Variants in XKR6 observed in about 807,000 individuals in gnomAD.
XKR6 encodes the protein XK-related protein 6.
A neutral mutation model predicts 56.7 loss-of-function variants in XKR6; 22 were observed. That is an observed-to-expected ratio of 0.39 (90% CI 0.28 to 0.55). XKR6 has a LOEUF of 0.55. Among genes scored for constraint, XKR6 ranks in the 20% least tolerant of loss-of-function variants. The pLI is 0.66. For missense variants in XKR6, 852 were observed against 889.0 expected, an observed-to-expected ratio of 0.96 and a Z score of 0.53; for synonymous variants, 524 against 387.8, an observed-to-expected ratio of 1.35 and a Z score of -4.13.
chr8:11,039,774 T>A (rs1419872427), intron 1 of XKR6, among the ~76,000 whole-genome samples: 1 of 152,164 alleles, frequency 6.6e-6, no homozygotes, highest in Non-Finnish European at 1.5e-5. Flanking sequence ...AATGAATAAG[T>A]GCACGTCCCG....
At chr8:11,044,243 G>A (rs1799353941) in intron 1 of XKR6, among the ~76,000 whole-genome samples, 1 of 152,186 alleles carries the variant, frequency 6.6e-6, no homozygotes, top group Non-Finnish European at 1.5e-5. Flanking sequence ...GCATTTAAAT[G>A]TTAAGTCTCC....
intron 1 of XKR6, among the ~76,000 whole-genome samples, chr8:11,005,842 C>CTT (rs56880407): frequency 0.085 from 10,299 of 121,238 alleles, 626 homozygotes; most frequent in African/African-American, 0.14. Context: ...TTCTTTCTTT[C>CTT]TTTTTTTTTT....
chr8:11,098,023 A>AG (rs1362329216), intron 1 of XKR6, among the ~76,000 whole-genome samples: 1 of 151,912 alleles, frequency 6.6e-6, no homozygotes, highest in Non-Finnish European at 1.5e-5. Flanking sequence ...GCAATTTTGC[A>AG]GGGGGGCTCC....
chr8:11,117,662 G>T (rs545972393), intron 1 of XKR6, among the ~76,000 whole-genome samples: 3 of 152,090 alleles, frequency 2.0e-5, no homozygotes, highest in Non-Finnish European at 2.9e-5. Flanking sequence ...TAAGGCACAT[G>T]AAGAACTTTA....
chr8:11,137,522 G>C, intron 1 of XKR6: 1 of 455,740 alleles, frequency 2.2e-6, no homozygotes, highest in South Asian at 1.6e-5. Flanking sequence ...AGACGGCCAG[G>C]CAACTGCTGC....
At chr8:10,957,461 G>A (rs1050986860) in intron 1 of XKR6, among the ~76,000 whole-genome samples, 1 of 152,126 alleles carries the variant, frequency 6.6e-6, no homozygotes. Flanking sequence ...TGTGGCCCAT[G>A]GTGTGCCCCT....
At chr8:11,175,882 C>T (rs1013908998) in intron 1 of XKR6, among the ~76,000 whole-genome samples, 1 of 152,122 alleles carries the variant, frequency 6.6e-6, no homozygotes, top group African/African-American at 2.4e-5. Context: ...TTTTTTATTA[C>T]AAACAGCATA....
chr8:11,156,136 A>C (rs1387012093), intron 1 of XKR6, among the ~76,000 whole-genome samples: 1 of 152,200 alleles, frequency 6.6e-6, no homozygotes. Flanking sequence ...CTGCCTCTCT[A>C]ATTTTACATC....
chr8:11,153,048 G>C (rs538563439), intron 1 of XKR6, among the ~76,000 whole-genome samples: 1 of 152,246 alleles, frequency 6.6e-6, no homozygotes, highest in South Asian at 2.1e-4. Flanking sequence ...ATTAATTTTT[G>C]AATTACAATT....
At position 11,200,785 on chromosome 8, in the gene XKR6, C is replaced by A. The variant is rs1472691580; in HGVS notation, c.555G>T (p.Val185=). 3.1e-6 allele frequency: 5 copies of A among 1,608,650 alleles called. No homozygotes were observed. The East Asian group carries it at 9.0e-5, about 29-fold the overall frequency. ...LVQSLSFRWF[V]QDYTGGGLGA... is the part of the protein sequence containing the mutation. ...CCAGCCCGCCGCCCGTGTAGTCCTG[C>A]ACGAACCAGCGGAAGCTCAGGCTCT... Residue 185 remains valine, a synonymous_variant, in exon 1 of 3, where the codon GTG becomes GTT. Transcript: ENST00000416569. The surrounding 1 kb of genome is among the most constrained non-coding windows in gnomAD (Gnocchi z 6.4).
At chr8:11,059,011 G>A (rs557343547) in intron 1 of XKR6, among the ~76,000 whole-genome samples, 15 of 152,374 alleles carry the variant, frequency 9.8e-5, no homozygotes, top group Admixed American at 2.6e-4. Context: ...CTGAAGCTCA[G>A]AAAGTTGAAA....
Position 11,201,226 on chromosome 8 carries a change from G to C in XKR6, c.114C>G (p.Gly38=), listed in dbSNP as rs763348018. 1.3e-6 allele frequency: 2 copies of C among 1,544,676 alleles called. No homozygotes were observed. The highest frequency in any genetic ancestry group is 3.8e-5 in the Admixed American group (2 of 53,074). ...CGCTGCCGTCGCCGCCGCCGCCGCA[G>C]CCGCCTCCCCCGGGCTCCCCGTCCT... ...GEEDGEPGGG[G]CGGGGDGSEP... Residue 38 remains glycine (G), a synonymous_variant, in exon 1 of 3, where the codon GGC becomes GGG. Transcript: ENST00000416569.
chr8:10,992,958 C>G (rs1000919034), intron 1 of XKR6, among the ~76,000 whole-genome samples: 1 of 152,206 alleles, frequency 6.6e-6, no homozygotes, highest in Non-Finnish European at 1.5e-5. Flanking sequence ...GTCACCTTTC[C>G]CAATGACTGG....
chr8:10,970,276 G>C (rs1802365866), intron 1 of XKR6, among the ~76,000 whole-genome samples: 1 of 152,220 alleles, frequency 6.6e-6, no homozygotes, highest in Non-Finnish European at 1.5e-5. Flanking sequence ...TTGGCAGAGT[G>C]GTGGCCTAGG....
intron 1 of XKR6, among the ~76,000 whole-genome samples, chr8:10,969,797 C>G (rs1271215157): frequency 6.6e-6 from 1 of 152,236 alleles, no homozygotes; most frequent in East Asian, 1.9e-4. Flanking sequence ...ATGGAAGAAG[C>G]TGATGTCCCA....
intron 1 of XKR6, among the ~76,000 whole-genome samples, chr8:11,091,456 T>A (rs1373554089): frequency 6.6e-6 from 1 of 151,354 alleles, no homozygotes; most frequent in African/African-American, 2.4e-5. Context: ...AATAAATAAA[T>A]AGATAGATAG....
At chr8:10,977,790 G>A (rs1189834916) in intron 1 of XKR6, among the ~76,000 whole-genome samples, 1 of 151,548 alleles carries the variant, frequency 6.6e-6, no homozygotes, top group Non-Finnish European at 1.5e-5. Flanking sequence ...AGGAGTAATA[G>A]CACATACCTT....
chr8:10,924,372 C>G (rs1390058878), intron 2 of XKR6, among the ~76,000 whole-genome samples: 3 of 152,256 alleles, frequency 2.0e-5, no homozygotes, highest in African/African-American at 7.2e-5. Context: ...AGCCCTCTAC[C>G]CGGCTGGCTC....
chr8:11,124,366 T>C (rs1197973307), intron 1 of XKR6: 1 of 285,752 alleles, frequency 3.5e-6, no homozygotes, highest in Admixed American at 4.7e-5. Context: ...CAACTCGATG[T>C]GAACACAGTA....
Sources: allele counts gnomAD v4.1 joint callset (sites outside exome capture counted in the v4.1 genomes callset), GRCh38; gene constraint gnomAD v4.1.1; non-coding constraint Gnocchi (gnomAD v3.1); transcripts MANE v1.5; gene names NCBI Gene and HGNC (gene_info 2026-07-23, HGNC 2026-07-21).